Variants in ZNF71 observed in about 807,000 individuals in gnomAD.
The protein encoded by ZNF71 is zinc finger protein 71, also known as endothelial zinc finger protein induced by tumor necrosis factor alpha.
Under a neutral mutation model 6.7 loss-of-function variants are expected in ZNF71, and 3 were observed. That is an observed-to-expected ratio of 0.45 (90% CI 0.20 to 1.16). The LOEUF is 1.16. ZNF71 is among the 50% of genes most tolerant of loss of function. ZNF71 has a pLI of 0.25. For synonymous variants in ZNF71, 343 were observed against 311.1 expected, an observed-to-expected ratio of 1.10 and a Z score of -1.08; for missense variants, 688 against 728.6, an observed-to-expected ratio of 0.94 and a Z score of 0.64.
rs570869792 is a variant in ZNF71, at chr19:56,608,100, C to T, written c.34-5712C>T. On this transcript the variant is annotated intron_variant, in intron 2 of 3. Coordinates refer to ENST00000599599, the MANE Select transcript of ZNF71 (RefSeq NM_001370215.1). ...ATAACCTTTTTGTCTTTTTTTTTCC[C>T]CCTAAATTTCTTATTGTGCTAAAAT... 7.0e-4 allele frequency among the ~76,000 whole-genome samples: 107 copies of T among 152,188 alleles called. 1 individual carries two copies. Among genetic ancestry groups the T allele is most frequent in the Admixed American group, 6.9e-3 (106 of 15,296 alleles).
intron 2 of ZNF71, among the ~76,000 whole-genome samples, chr19:56,602,796 TTTTAC>T (rs1394956345): frequency 2.0e-5 from 3 of 152,222 alleles, no homozygotes; most frequent in African/African-American, 4.8e-5. Context: ...TGTTTCTTTA[TTTTAC>T]TTTATTTTTT....
At chr19:56,605,450 C>T (rs950765521) in intron 2 of ZNF71, among the ~76,000 whole-genome samples, 2 of 152,170 alleles carry the variant, frequency 1.3e-5, no homozygotes, top group African/African-American at 4.8e-5. Context: ...CTACTCTAGC[C>T]CAGCTGCCAT....
chr19:56,614,014 A>G (rs1436000387), intron 3 of ZNF71, 76 bp downstream of exon 3: 2 of 860,624 alleles, frequency 2.3e-6, no homozygotes, highest in Non-Finnish European at 2.9e-6. Context: ...AAAAAAAAAA[A>G]GATCAACAGA....
intron 2 of ZNF71, among the ~76,000 whole-genome samples, chr19:56,604,888 T>G (rs1158133360): frequency 6.6e-6 from 1 of 152,202 alleles, no homozygotes; most frequent in African/African-American, 2.4e-5. Flanking sequence ...TAACAATAGC[T>G]GGCACTTATT....
chr19:56,606,975 T>TA (rs1568505009), intron 2 of ZNF71, among the ~76,000 whole-genome samples: 1 of 152,168 alleles, frequency 6.6e-6, no homozygotes, highest in East Asian at 1.9e-4. Context: ...TCTACCCACT[T>TA]ACTATTGTCT....
intron 2 of ZNF71, among the ~76,000 whole-genome samples, chr19:56,611,678 A>G (rs2215930): frequency 0.66 from 100,007 of 152,132 alleles, 33,389 homozygotes; most frequent in African/African-American, 0.77. Context: ...TTAAGTTAAT[A>G]ATGACTGAAT....
chr19:56,623,903 C>A lies in ZNF71; in HGVS notation c.*1146C>A, dbSNP rs2044887340. On this transcript the variant is annotated 3_prime_UTR_variant, in exon 4 of 4. Coordinates refer to ENST00000599599, the MANE Select transcript of ZNF71 (RefSeq NM_001370215.1). Reference sequence around the variant, plus strand: ...CCTGACCTCATGACCTCCCAAAGGTCCTCCCTCTTCATACTGTTACATTGG... The same window carrying A: ...CCTGACCTCATGACCTCCCAAAGGTACTCCCTCTTCATACTGTTACATTGG... 1 of 167,040 alleles carries A rather than the reference C, an allele frequency of 6.0e-6. No homozygotes were observed. The highest frequency in any genetic ancestry group is 2.4e-5 in the African/African-American group (1 of 41,426). 10.3% of individuals were successfully genotyped at this position (167,040 alleles called of 1,614,324 possible).
Position 56,600,352 on chromosome 19 carries a change from C to T in ZNF71, c.-52-1155C>T, listed in dbSNP as rs1182263328. Among the ~76,000 whole-genome samples, 3 of 55,124 alleles carry T rather than the reference C, an allele frequency of 5.4e-5. 1 individual carries two copies. The highest frequency in any genetic ancestry group is 6.9e-5 in the Non-Finnish European group (2 of 28,938). The allele number at this position is 55,124 out of a possible 152,430, so 36.2% of individuals were successfully genotyped here. Reference sequence around the variant, plus strand: ...AGCTGGGACTACAGGCGCCCGCCACCGCGCCCGGCTAATTTTTTGTATTTT... The same window carrying T: ...AGCTGGGACTACAGGCGCCCGCCACTGCGCCCGGCTAATTTTTTGTATTTT... On this transcript the variant is annotated intron_variant, in intron 1 of 3. Transcript: ENST00000599599.
chr19:56,622,384 ACTC>A lies in ZNF71; in HGVS notation c.1281_1283del (p.Ser428del), dbSNP rs751724379. 28 of 1,606,248 alleles carry A rather than the reference ACTC, an allele frequency of 1.7e-5. No individual in the cohort carries two copies. Among genetic ancestry groups the A allele is most frequent in the South Asian group, 1.3e-4 (12 of 90,704 alleles). On this transcript the variant is annotated inframe_deletion, in exon 4 of 4. Coordinates refer to ENST00000599599, the MANE Select transcript of ZNF71 (RefSeq NM_001370215.1). ...GAGTGCGGCAAGGCCTTCAGCAAGA[ACTC>A]CTCGCTCACGCAGCACCAGCGCATC...
At chr19:56,597,111 T>C (rs1356878573) in intron 1 of ZNF71, among the ~76,000 whole-genome samples, 2 of 152,202 alleles carry the variant, frequency 1.3e-5, no homozygotes, top group East Asian at 3.8e-4. Context: ...AAGACAAATG[T>C]AATCTAGGCT....
At chr19:56,612,338 CATAG>C (rs1211906833) in intron 2 of ZNF71, among the ~76,000 whole-genome samples, 3 of 150,958 alleles carry the variant, frequency 2.0e-5, no homozygotes, top group Non-Finnish European at 2.9e-5. Flanking sequence ...CCCATCAACC[CATAG>C]ATAAAGAAAA....
At chr19:56,597,393 G>A (rs28686939) in intron 1 of ZNF71, among the ~76,000 whole-genome samples, 155 of 152,326 alleles carry the variant, frequency 1.0e-3, no homozygotes, top group African/African-American at 3.6e-3. Flanking sequence ...CAAAGGAAGA[G>A]AAAGAAAAAA....
chr19:56,613,848 A>G lies in ZNF71; in HGVS notation c.70A>G (p.Thr24Ala). 8 of 1,124,386 alleles carry G rather than the reference A, an allele frequency of 7.1e-6. No individual in the cohort carries two copies. The highest frequency in any genetic ancestry group is 8.9e-6 in the Non-Finnish European group (8 of 900,458). The allele number at this position is 1,124,386 out of a possible 1,614,324, so 69.7% of individuals were successfully genotyped here. A position where few individuals can be genotyped will look rare whatever the true frequency, so the allele number is the denominator to read the frequency against. ...GTTCAGGGATGTGACTGTGGACTTC[A>G]CCCAGGAGGAGTGGCAGCAGCTGGA... Reference protein sequence around the residue: ...VTFRDVTVDFTQEEWQQLEPA... With the variant: ...VTFRDVTVDFAQEEWQQLEPA... The change falls in exon 3 of 4, where the codon ACC (threonine) becomes GCC (alanine). Residue 24 changes from threonine (T) to alanine (A), a missense_variant. Physicochemically the swap from Thr to Ala is moderately conservative, Grantham distance 58. Transcript: ENST00000599599. This position sits in a 1 kb window ranked among gnomAD's most constrained non-coding sequence, Gnocchi z 4.6.
At position 56,621,796 on chromosome 19, in the gene ZNF71, G is replaced by A. The variant is rs1208403003; in HGVS notation, c.689G>A (p.Arg230His). 28 of 1,613,810 alleles carry A rather than the reference G, an allele frequency of 1.7e-5. No individual in the cohort carries two copies. The highest frequency in any genetic ancestry group is 1.3e-4 in the East Asian group (6 of 44,886). The stretch of plus-strand genomic sequence containing the variant: ...ACCTGTGGGAAGCACTTCATCGAGC[G>A]CTCGTCCCTCACCATCCACCAGCGG... ...CDTCGKHFIE[R>H]SSLTIHQRVH... The change falls in exon 4 of 4, where the codon CGC becomes CAC. Residue 230 changes from arginine (R) to histidine (H), a missense_variant. Coordinates refer to ENST00000599599, the MANE Select transcript of ZNF71 (RefSeq NM_001370215.1).
In ZNF71 at chr19:56,621,362, C is replaced by G. The variant is rs1176253254; in HGVS notation, c.255C>G (p.Pro85=). 2 of 1,583,744 alleles carry G rather than the reference C, an allele frequency of 1.3e-6. No individual in the cohort carries two copies. The highest frequency in any genetic ancestry group is 2.7e-5 in the African/African-American group (2 of 74,026). The stretch of plus-strand genomic sequence containing the variant: ...TTGTTGGGGAGGCCACGGGGGGACC[C>G]ACGAGGAATGGTGCCAGGGGTCCTG... ...LSVVGEATGG[P]TRNGARGPGS... Residue 85 remains proline (P), a synonymous_variant, in exon 4 of 4, where the codon CCC becomes CCG. Coordinates refer to ENST00000599599, the MANE Select transcript of ZNF71 (RefSeq NM_001370215.1).
intron 3 of ZNF71, among the ~76,000 whole-genome samples, chr19:56,614,754 T>C (rs2044777746): frequency 6.6e-6 from 1 of 152,214 alleles, no homozygotes; most frequent in African/African-American, 2.4e-5. Flanking sequence ...TAACCACGCA[T>C]ATATAAAGTG....
At chr19:56,614,343 C>T (rs2148014866) in intron 3 of ZNF71, among the ~76,000 whole-genome samples, 1 of 152,258 alleles carries the variant, frequency 6.6e-6, no homozygotes, top group South Asian at 2.1e-4. Context: ...AGAATAATAG[C>T]CCATATTATG....
intron 3 of ZNF71, among the ~76,000 whole-genome samples, chr19:56,617,114 T>TTTTG (rs1555776023): frequency 9.7e-5 from 14 of 145,002 alleles, no homozygotes; most frequent in African/African-American, 3.8e-4. Flanking sequence ...TTTCTTTTGT[T>TTTTG]TTTTTTTGTT....
intron 2 of ZNF71, among the ~76,000 whole-genome samples, chr19:56,611,632 A>G (rs531547075): frequency 2.0e-4 from 30 of 152,198 alleles, no homozygotes; most frequent in Non-Finnish European, 4.4e-4. Context: ...CAGGCATACT[A>G]TATTATAATG....
Sources: allele counts gnomAD v4.1 joint callset (sites outside exome capture counted in the v4.1 genomes callset), GRCh38; gene constraint gnomAD v4.1.1; non-coding constraint Gnocchi (gnomAD v3.1); transcripts MANE v1.5; gene names NCBI Gene and HGNC (gene_info 2026-07-23, HGNC 2026-07-21).